The following ERI3 variants were observed in gnomAD, a reference collection of about 807,000 sequenced individuals.
ERI3 encodes ERI1 exoribonuclease 3.
ERI3 carries 18 observed loss-of-function variants against 44.4 expected under a neutral mutation model. The observed-to-expected ratio is 0.41, with a 90% CI of 0.28 to 0.60. The LOEUF is 0.60. Ranked by LOEUF, ERI3 falls within the 20% of genes least tolerant of loss-of-function variation. The probability of loss-of-function intolerance (pLI) is 0.36; values close to 1 mark genes in which losing one functional copy is unlikely to be tolerated. For missense variants in ERI3, 294 were observed against 435.5 expected (o/e 0.68, Z 2.89); for synonymous variants, 183 against 164.8 (o/e 1.11, Z -0.84).
intron 2 of ERI3, among the ~76,000 whole-genome samples, chr1:44,351,446 A>G (rs1646888219): frequency 6.6e-6 from 1 of 152,234 alleles, no homozygotes; most frequent in Non-Finnish European, 1.5e-5. Context: ...CCCATGGGCC[A>G]AATCTAACTG....
intron 7 of ERI3, among the ~76,000 whole-genome samples, chr1:44,279,574 A>G (rs1363049891): frequency 1.3e-5 from 2 of 152,108 alleles, no homozygotes; most frequent in Non-Finnish European, 2.9e-5. Flanking sequence ...CCCCACACCT[A>G]TGTACTTAAC....
At chr1:44,243,051 T>C (rs948283855) in intron 8 of ERI3, among the ~76,000 whole-genome samples, 1 of 152,236 alleles carries the variant, frequency 6.6e-6, no homozygotes, top group Non-Finnish European at 1.5e-5. Flanking sequence ...GTCACAGAGC[T>C]AATGCGTTCT....
At chr1:44,267,467 A>T (rs1645011778) in intron 7 of ERI3, among the ~76,000 whole-genome samples, 1 of 152,136 alleles carries the variant, frequency 6.6e-6, no homozygotes, top group Non-Finnish European at 1.5e-5. Context: ...AATAAAACAC[A>T]AACACCCACA....
chr1:44,352,726 G>A, intron 2 of ERI3, 124 bp downstream of exon 2: 11 of 998,228 alleles, frequency 1.1e-5, no homozygotes, highest in East Asian at 2.4e-5. Context: ...AATATGATTC[G>A]TTTAGACTTT....
chr1:44,247,868 G>T, intron 8 of ERI3, 71 bp downstream of exon 8: 2 of 1,246,376 alleles, frequency 1.6e-6, no homozygotes, highest in Non-Finnish European at 1.1e-6. Flanking sequence ...CTCTCTATGT[G>T]CCTGGGGACT....
At chr1:44,336,404 A>G (rs1646536347) in intron 3 of ERI3, among the ~76,000 whole-genome samples, 1 of 152,222 alleles carries the variant, frequency 6.6e-6, no homozygotes, top group African/African-American at 2.4e-5. Context: ...AGGTGGTCTG[A>G]TGGGTAGTCC....
intron 8 of ERI3, among the ~76,000 whole-genome samples, chr1:44,224,664 G>A (rs927457884): frequency 6.6e-6 from 1 of 152,232 alleles, no homozygotes; most frequent in Non-Finnish European, 1.5e-5. Context: ...GGAGGACCTA[G>A]TGGTGAGAAA....
chr1:44,323,037 C>A, intron 3 of ERI3: 1 of 887,118 alleles, frequency 1.1e-6, no homozygotes, highest in Non-Finnish European at 1.5e-6. Context: ...TTCTCTCAGC[C>A]AATTTCATCA....
chr1:44,266,550 T>A (rs144694526), intron 7 of ERI3, among the ~76,000 whole-genome samples: 2 of 152,196 alleles, frequency 1.3e-5, no homozygotes, highest in African/African-American at 4.8e-5. Flanking sequence ...ATATCCAGAG[T>A]TTAAATCCTT....
intron 3 of ERI3, among the ~76,000 whole-genome samples, chr1:44,331,916 T>C (rs1031972927): frequency 2.0e-5 from 3 of 152,190 alleles, no homozygotes; most frequent in Non-Finnish European, 4.4e-5. Context: ...CCATCCTTTG[T>C]GCCCCCACTG....
chr1:44,355,218 C>A lies in ERI3; in HGVS notation c.-192G>T. ...CACCGCCCGTTCCCGGCCGCCTGAA[C>A]AGCGGCAGCCAGCACCACGAGTCCA... On this transcript the variant is annotated 5_prime_UTR_variant, in exon 1 of 9. Coordinates refer to ENST00000372257, the MANE Select transcript of ERI3 (RefSeq NM_024066.3). 1 of 1,187,356 alleles carries A rather than the reference C, an allele frequency of 8.4e-7. No individual in the cohort carries two copies. Among genetic ancestry groups the A allele is most frequent in the East Asian group, 3.6e-5 (1 of 27,556 alleles). The allele number at this position is 1,187,356 out of a possible 1,614,324, so 73.6% of individuals were successfully genotyped here.
At chr1:44,276,767 C>A (rs1385918696) in intron 7 of ERI3, among the ~76,000 whole-genome samples, 1 of 152,222 alleles carries the variant, frequency 6.6e-6, no homozygotes, top group African/African-American at 2.4e-5. Flanking sequence ...ATCCCATAAT[C>A]CATCTTGCCA....
intron 1 of ERI3, chr1:44,354,637 T>C: frequency 9.1e-6 from 9 of 985,408 alleles, no homozygotes; most frequent in Non-Finnish European, 1.1e-5. Context: ...GCTCCATTTC[T>C]AGCCTCTCTA....
Position 44,284,950 on chromosome 1 carries a change from G to A in ERI3, c.759-43C>T, listed in dbSNP as rs986687817. On this transcript the variant is annotated intron_variant, in intron 6 of 8. Transcript: ENST00000372257. Reference sequence around the variant, plus strand: ...GAGAGAACAAGTTGGGCGCATCCATGTCCCAGGTATGAAGTCTTAAGATGG... The same window carrying A: ...GAGAGAACAAGTTGGGCGCATCCATATCCCAGGTATGAAGTCTTAAGATGG... The A allele has an allele frequency of 5.2e-6, 8 of 1,537,828 alleles. No individual in the cohort carries two copies. The Admixed American group carries it at 1.0e-4, about 19-fold the overall frequency.
chr1:44,310,289 A>G (rs999389573), intron 5 of ERI3, among the ~76,000 whole-genome samples: 6 of 152,226 alleles, frequency 3.9e-5, no homozygotes, highest in African/African-American at 1.4e-4. Context: ...ATGGTGGAAC[A>G]TAGTAGAGGA....
rs546721799 is a variant in ERI3, at chr1:44,339,354, A to G, written c.212-32T>C. ...GGAGGAAAGTTTAAAAAAAAAAAAAAAAAAGAAAAGAAAGAAAAAAAAAAA... is the reference window on the plus strand; with the variant it reads ...GGAGGAAAGTTTAAAAAAAAAAAAAGAAAAGAAAAGAAAGAAAAAAAAAAA... On this transcript the variant is annotated intron_variant, in intron 2 of 8. Coordinates refer to ENST00000372257, the MANE Select transcript of ERI3 (RefSeq NM_024066.3). The G allele has an allele frequency of 2.5e-4, 371 of 1,491,582 alleles. No individual in the cohort carries two copies. In the East Asian group the frequency reaches 3.2e-3, roughly 13 times the overall value. 92.4% of individuals were successfully genotyped at this position (1,491,582 alleles called of 1,614,324 possible).
intron 8 of ERI3, among the ~76,000 whole-genome samples, chr1:44,225,447 T>C (rs1644014184): frequency 6.6e-6 from 1 of 152,182 alleles, no homozygotes. Context: ...TGTTTTTATG[T>C]TTCTGCAGGA....
intron 8 of ERI3, 51 bp downstream of exon 8, chr1:44,247,888 G>A (rs778868683): frequency 8.8e-6 from 13 of 1,474,490 alleles, no homozygotes; most frequent in South Asian, 2.4e-5. Flanking sequence ...TGGGGCACGC[G>A]GGCAAGGGAC....
At chr1:44,274,319 A>C (rs1645140705) in intron 7 of ERI3, among the ~76,000 whole-genome samples, 1 of 152,264 alleles carries the variant, frequency 6.6e-6, no homozygotes, top group Admixed American at 6.5e-5. Context: ...GTCAAAGGTT[A>C]GAATACCAAT....
Sources: allele counts gnomAD v4.1 joint callset (sites outside exome capture counted in the v4.1 genomes callset), GRCh38; gene constraint gnomAD v4.1.1; transcripts MANE v1.5; gene names NCBI Gene and HGNC (gene_info 2026-07-23, HGNC 2026-07-21).